Variants in VWF observed in about 807,000 individuals in gnomAD.
The protein encoded by VWF is von Willebrand factor, also known as Factor VIII related antigen.
Under a neutral mutation model 308.6 loss-of-function variants are expected in VWF, and 176 were observed. The ratio of observed to expected loss-of-function variants is 0.57; its 90% CI spans 0.50 to 0.65. The LOEUF (loss-of-function observed/expected upper bound fraction) is 0.65. Ranked by LOEUF, VWF falls within the 30% of genes least tolerant of loss-of-function variation. The pLI, the probability that VWF is intolerant of heterozygous loss-of-function variation, is 0.00. For missense variants in VWF, 3,146 were observed against 3,648.2 expected, an observed-to-expected ratio of 0.86 and a Z score of 3.55; for synonymous variants, 1,385 against 1,443.4, an observed-to-expected ratio of 0.96 and a Z score of 0.92.
intron 18 of VWF, among the ~76,000 whole-genome samples, chr12:6,040,089 A>G (rs1483339321): frequency 6.6e-6 from 1 of 152,242 alleles, no homozygotes; most frequent in Admixed American, 6.5e-5. Context: ...AGGGGCTGAC[A>G]TAATGGGACC....
chr12:6,013,462 A>T lies in VWF; in HGVS notation c.5620+19T>A. The T allele has an allele frequency of 6.2e-7, 1 of 1,614,122 alleles. No individual in the cohort carries two copies. Among genetic ancestry groups the T allele is most frequent in the South Asian group, 1.1e-5 (1 of 91,082 alleles). Reference sequence around the variant, plus strand: ...GAACTTTTTTTTGAGGGAAGTAAGAAAGGTATTATAAGACTCACCAGAGCA... The same window carrying T: ...GAACTTTTTTTTGAGGGAAGTAAGATAGGTATTATAAGACTCACCAGAGCA... On this transcript the variant is annotated intron_variant, in intron 32 of 51. Coordinates refer to ENST00000261405, the MANE Select transcript of VWF (RefSeq NM_000552.5).
chr12:5,963,010 A>C (rs1042380410), intron 47 of VWF, among the ~76,000 whole-genome samples: 27 of 152,340 alleles, frequency 1.8e-4, no homozygotes, highest in African/African-American at 6.5e-4. Context: ...AGTAAAACTA[A>C]ACTATAATGC....
intron 43 of VWF, 49 bp from the exon 44 acceptor site, chr12:5,971,758 C>T (rs1943479266): frequency 1.3e-6 from 2 of 1,526,108 alleles, no homozygotes; most frequent in South Asian, 1.1e-5. Context: ...AGCAAAGACA[C>T]AGGGGCTCTT....
At chr12:6,095,387 G>C (rs756774553) in intron 6 of VWF, 73 bp downstream of exon 6, 3 of 1,609,586 alleles carry the variant, frequency 1.9e-6, no homozygotes, top group South Asian at 1.1e-5. Flanking sequence ...AAGGATATGA[G>C]ACTGAGTCCT....
At chr12:5,951,673 C>T (rs190844704) in intron 50 of VWF, among the ~76,000 whole-genome samples, 171 bp downstream of exon 50, 4 of 152,260 alleles carry the variant, frequency 2.6e-5, no homozygotes, top group Admixed American at 6.5e-5. Context: ...CTGCTCCCTG[C>T]AAGACTGAAC....
Position 6,064,259 on chromosome 12 carries a change from G to C in VWF, c.1419C>G (p.Leu473=). ...GACGAAGCATACCTTTCAGGAGGGG[G>C]AGCTGGACGTCCTGGCCATCCATGG... The part of the protein sequence containing the change: ...GVAMDGQDVQ[L]PLLKGDLRIQ... The change falls in exon 12 of 52, where the codon CTC becomes CTG. Residue 473 remains leucine (L), a synonymous_variant. Transcript: ENST00000261405. 1.2e-6 allele frequency: 2 copies of C among 1,614,170 alleles called. No homozygotes were observed. Among genetic ancestry groups the C allele is most frequent in the Non-Finnish European group, 1.7e-6 (2 of 1,180,048 alleles).
intron 47 of VWF, among the ~76,000 whole-genome samples, chr12:5,966,723 T>C (rs1457391751): frequency 2.0e-5 from 3 of 151,794 alleles, no homozygotes; most frequent in African/African-American, 4.8e-5. Flanking sequence ...GCCATCGCCA[T>C]AGTTCATGCA....
Position 5,983,265 on chromosome 12 carries a change from G to A in VWF, c.6977-11C>T, listed in dbSNP as rs1943629554. 1 of 1,613,300 alleles carries A rather than the reference G, an allele frequency of 6.2e-7. No homozygotes were observed. Among genetic ancestry groups the A allele is most frequent in the Non-Finnish European group, 8.5e-7 (1 of 1,179,712 alleles). On this transcript the variant is annotated splice_polypyrimidine_tract_variant and intron_variant, in intron 40 of 51. Transcript: ENST00000261405. ...TCACTGGGTCACACACTGAGGGCCA[G>A]AAAGAGAGACGTCCATGCAGAGTTC...
rs367937026 is a variant in VWF at position 6,052,815 on chromosome 12, G to A, written c.1946-32C>T. The A allele has an allele frequency of 9.2e-5, 147 of 1,602,118 alleles. 1 individual carries two copies. Among genetic ancestry groups the A allele is most frequent in the African/African-American group, 8.6e-4 (64 of 74,694 alleles). On this transcript the variant is annotated intron_variant, in intron 15 of 51. Transcript: ENST00000261405. The stretch of plus-strand genomic sequence containing the variant: ...GAGAGAGGAGAAGTAAGGCCTCAGC[G>A]GGAATGTTGGACAGCAAGGACTGTG...
chr12:5,975,747 C>G (rs539869217), intron 43 of VWF, among the ~76,000 whole-genome samples: 1 of 152,224 alleles, frequency 6.6e-6, no homozygotes, highest in South Asian at 2.1e-4. Flanking sequence ...CAAACCTACT[C>G]CACCAGTACT....
intron 51 of VWF, 37 bp from the exon 52 acceptor site, chr12:5,949,240 G>A: frequency 6.2e-7 from 1 of 1,605,952 alleles, no homozygotes; most frequent in Non-Finnish European, 8.5e-7. Flanking sequence ...GCTTCACAAT[G>A]GTGGGAAGTC....
chr12:6,000,052 G>GA (rs1216078499), intron 34 of VWF, among the ~76,000 whole-genome samples: 2 of 151,856 alleles, frequency 1.3e-5, no homozygotes, highest in Non-Finnish European at 2.9e-5. Context: ...TAAGACAGGA[G>GA]AAAAAATGGA....
At chr12:6,096,450 C>A (rs536162945) in intron 5 of VWF, among the ~76,000 whole-genome samples, 2 of 152,220 alleles carry the variant, frequency 1.3e-5, no homozygotes, top group Non-Finnish European at 1.5e-5. Flanking sequence ...CATCCCTCTA[C>A]CAAAACACTC....
chr12:5,998,438 C>G (rs1302881344), intron 34 of VWF, among the ~76,000 whole-genome samples: 1 of 116,638 alleles, frequency 8.6e-6, no homozygotes, highest in East Asian at 2.7e-4. Context: ...GCAGAGCTTG[C>G]AGTGAGCCGA....
chr12:6,058,506 C>T lies in VWF; in HGVS notation c.1534-462G>A, dbSNP rs775885003. On this transcript the variant is annotated intron_variant, in intron 13 of 51. Transcript: ENST00000261405. This position sits in a 1 kb window ranked among gnomAD's most constrained non-coding sequence, Gnocchi z 4.9. ...AAGGCCCCTCTATATAGAAAGACTT[C>T]GCGTTGGTCACTCGGTGTGGGCCCA... Among the ~76,000 whole-genome samples, 1 of 152,174 alleles carries T rather than the reference C, an allele frequency of 6.6e-6. No individual in the cohort carries two copies. Among genetic ancestry groups the T allele is most frequent in the Non-Finnish European group, 1.5e-5 (1 of 68,036 alleles).
chr12:5,996,750 CAAAAAAAAAAAA>C (rs61616182), intron 34 of VWF, among the ~76,000 whole-genome samples: 3 of 60,474 alleles, frequency 5.0e-5, no homozygotes, highest in Non-Finnish European at 1.1e-4. Flanking sequence ...TTTCCAGAGC[CAAAAAAAAAAAA>C]AAAAAAAAAA....
In VWF at chr12:6,024,329, T is replaced by C. The variant is rs2136419085; in HGVS notation, c.3223-542A>G. Among the ~76,000 whole-genome samples the C allele has an allele frequency of 6.6e-6, 1 of 152,232 alleles. No homozygotes were observed. The highest frequency in any genetic ancestry group is 1.5e-5 in the Non-Finnish European group (1 of 68,008). ...TTCAACCAGTTCCAACCCTTCCTCA[T>C]CCCCAAAACACGCCTCTAAACACAC... is the stretch of plus-strand genomic sequence containing the variant. On this transcript the variant is annotated intron_variant, in intron 24 of 51. Coordinates refer to ENST00000261405, the MANE Select transcript of VWF (RefSeq NM_000552.5). The surrounding 1 kb of genome is among the most constrained non-coding windows in gnomAD (Gnocchi z 4.0).
At chr12:6,112,661 C>T (rs1459392458) in intron 3 of VWF, among the ~76,000 whole-genome samples, 10 of 152,110 alleles carry the variant, frequency 6.6e-5, no homozygotes, top group Non-Finnish European at 1.3e-4. Flanking sequence ...GTCCGTGGAA[C>T]GAAGCCCAGA....
intron 43 of VWF, 36 bp downstream of exon 43, chr12:5,976,075 A>T: frequency 2.5e-6 from 4 of 1,612,770 alleles, no homozygotes; most frequent in Non-Finnish European, 3.4e-6. Context: ...TCCCGCTCTG[A>T]TAGCTGCAGG....
Sources: gnomAD v4.1 joint callset for allele counts (sites outside exome capture counted in the v4.1 genomes callset) on GRCh38, gnomAD v4.1.1 for gene constraint, Gnocchi (gnomAD v3.1) non-coding constraint, MANE v1.5 for transcripts, NCBI Gene and HGNC (gene_info 2026-07-23, HGNC 2026-07-21) for gene names.